CDH13: variants seen among roughly 807,000 people sequenced by gnomAD.
CDH13 encodes the protein cadherin 13, also known as cadherin-13.
Under a neutral mutation model 63.8 loss-of-function variants are expected in CDH13, and 24 were observed. The ratio of observed to expected loss-of-function variants is 0.38; its 90% CI spans 0.27 to 0.53. The LOEUF is 0.53. Among genes scored for constraint, CDH13 ranks in the 20% least tolerant of loss-of-function variants. The pLI is 0.85. For missense variants in CDH13, 1,049 were observed against 903.1 expected (o/e 1.16, Z -2.07); for synonymous variants, 503 against 355.3 (o/e 1.42, Z -4.67).
At position 82,998,481 on chromosome 16, in the gene CDH13, T is replaced by C. The variant is rs1912495971; in HGVS notation, c.158-33529T>C. The stretch of plus-strand genomic sequence containing the variant: ...GGACAGCCTGTCCTCTTGGTGATAA[T>C]AAAGCATGATGATAAAACAAATGAG... On this transcript the variant is annotated intron_variant, in intron 2 of 13. Transcript: ENST00000567109. Among the ~76,000 whole-genome samples, 5 of 152,194 alleles carry C rather than the reference T, an allele frequency of 3.3e-5. No individual in the cohort carries two copies. The South Asian group carries it at 1.0e-3, about 31-fold the overall frequency.
intron 6 of CDH13, among the ~76,000 whole-genome samples, chr16:83,451,421 C>A (rs1221833494): frequency 6.6e-6 from 1 of 152,310 alleles, no homozygotes; most frequent in East Asian, 1.9e-4. Context: ...TAGTTACCTC[C>A]CACCAGGTCC....
intron 7 of CDH13, among the ~76,000 whole-genome samples, chr16:83,567,591 TTTTTTG>T (rs1163230396): frequency 6.6e-6 from 1 of 152,142 alleles, no homozygotes; most frequent in African/African-American, 2.4e-5. Context: ...TCGTCTGTTG[TTTTTTG>T]TTTTTGTTTT....
At chr16:83,285,945 G>A (rs1052047289) in intron 5 of CDH13, among the ~76,000 whole-genome samples, 9 of 152,190 alleles carry the variant, frequency 5.9e-5, no homozygotes, top group African/African-American at 1.9e-4. Flanking sequence ...GAGCGTGGGC[G>A]AACTGGAGGG....
intron 5 of CDH13, among the ~76,000 whole-genome samples, chr16:83,337,858 T>G (rs2090632987): frequency 2.6e-5 from 4 of 151,832 alleles, no homozygotes; most frequent in Non-Finnish European, 5.9e-5. Flanking sequence ...TTGCCACAAA[T>G]GAGGCAAGAG....
chr16:83,315,877 G>C (rs74034113), intron 5 of CDH13, among the ~76,000 whole-genome samples: 1,554 of 152,248 alleles, frequency 0.01, 21 homozygotes, highest in African/African-American at 0.036. Context: ...TAGTGTTATA[G>C]GGAGGTTAAT....
At position 82,661,414 on chromosome 16, in the gene CDH13, C is replaced by A. The variant is rs538607963; in HGVS notation, c.45+34277C>A. On this transcript the variant is annotated intron_variant, in intron 1 of 13. Coordinates refer to ENST00000567109, the MANE Select transcript of CDH13 (RefSeq NM_001257.5). Reference sequence around the variant, plus strand: ...AAATATTGTTTGTCCTGCTTTAGTACGCACGATATTAATGAGATGTTATTG... The same window carrying A: ...AAATATTGTTTGTCCTGCTTTAGTAAGCACGATATTAATGAGATGTTATTG... Among the ~76,000 whole-genome samples the A allele has an allele frequency of 2.6e-5, 4 of 152,200 alleles. No individual in the cohort carries two copies. In the East Asian group the frequency reaches 5.8e-4, roughly 22 times the overall value.
chr16:83,780,309 A>G (rs1915430938), intron 12 of CDH13, 108 bp downstream of exon 12: 1 of 696,002 alleles, frequency 1.4e-6, no homozygotes, highest in Non-Finnish European at 2.4e-6. Flanking sequence ...CATTTGGTTC[A>G]TTTTAAGTTA....
chr16:83,015,821 A>C (rs1243195416), intron 2 of CDH13, among the ~76,000 whole-genome samples: 1 of 150,318 alleles, frequency 6.7e-6, no homozygotes, highest in Non-Finnish European at 1.5e-5. Context: ...CTATAATCAC[A>C]GTAATGTACT....
chr16:83,533,722 G>A (rs2075131280), intron 7 of CDH13, among the ~76,000 whole-genome samples: 1 of 151,034 alleles, frequency 6.6e-6, no homozygotes, highest in Non-Finnish European at 1.5e-5. Context: ...CTGGGTTCAG[G>A]TGATTCTCTT....
intron 1 of CDH13, among the ~76,000 whole-genome samples, chr16:82,760,479 G>T (rs1311563318): frequency 6.6e-6 from 1 of 151,918 alleles, no homozygotes; most frequent in Non-Finnish European, 1.5e-5. Flanking sequence ...TTAATATTAT[G>T]GCATTACAAC....
At chr16:83,604,778 C>T (rs978700274) in intron 8 of CDH13, among the ~76,000 whole-genome samples, 1 of 152,126 alleles carries the variant, frequency 6.6e-6, no homozygotes, top group Non-Finnish European at 1.5e-5. Context: ...AATAGGATAA[C>T]CCCAACCCAA....
chr16:83,618,147 AGG>A (rs200480909), intron 8 of CDH13, among the ~76,000 whole-genome samples: 9,767 of 152,236 alleles, frequency 0.064, 829 homozygotes, highest in African/African-American at 0.19. Context: ...ACTTGCGGCC[AGG>A]CATGGTGGCT....
intron 6 of CDH13, among the ~76,000 whole-genome samples, chr16:83,346,048 C>T (rs1024786210): frequency 6.6e-6 from 1 of 152,156 alleles, no homozygotes; most frequent in Admixed American, 6.5e-5. Context: ...AACCTCCCGT[C>T]AGCTTCAAGG....
chr16:82,745,561 G>A (rs545570100), intron 1 of CDH13, among the ~76,000 whole-genome samples: 3 of 152,162 alleles, frequency 2.0e-5, no homozygotes, highest in South Asian at 2.1e-4. Flanking sequence ...CCAAGATCAC[G>A]CCACTGAACT....
chr16:83,013,757 A>T (rs939734821), intron 2 of CDH13, among the ~76,000 whole-genome samples: 2 of 152,208 alleles, frequency 1.3e-5, no homozygotes, highest in Non-Finnish European at 2.9e-5. Flanking sequence ...CTGTTTGTCA[A>T]GCTCTGTGCT....
chr16:83,620,016 G>A (rs1909659642), intron 8 of CDH13, among the ~76,000 whole-genome samples: 1 of 152,078 alleles, frequency 6.6e-6, no homozygotes, highest in South Asian at 2.1e-4. Flanking sequence ...GGAGAGGGCG[G>A]GAGGGGCCAG....
intron 3 of CDH13, among the ~76,000 whole-genome samples, chr16:83,076,316 A>C (rs1464902740): frequency 1.3e-5 from 2 of 152,266 alleles, no homozygotes; most frequent in Admixed American, 1.3e-4. Context: ...CTCATTTCTA[A>C]GTATTGTAAG....
At chr16:83,629,839 G>T (rs1910625169) in intron 8 of CDH13, among the ~76,000 whole-genome samples, 1 of 152,242 alleles carries the variant, frequency 6.6e-6, no homozygotes, top group East Asian at 1.9e-4. Context: ...GACAAGCTCA[G>T]TCACATGAGC....
chr16:83,428,702 C>G (rs1420239344), intron 6 of CDH13, among the ~76,000 whole-genome samples: 1 of 152,206 alleles, frequency 6.6e-6, no homozygotes, highest in Non-Finnish European at 1.5e-5. Flanking sequence ...GGATGAGATT[C>G]TGTATCGGTT....
Sources: allele counts gnomAD v4.1 joint callset (sites outside exome capture counted in the v4.1 genomes callset), GRCh38; gene constraint gnomAD v4.1.1; transcripts MANE v1.5; gene names NCBI Gene and HGNC (gene_info 2026-07-23, HGNC 2026-07-21).